Variants in SIPA1L2 observed in about 807,000 individuals in gnomAD.
SIPA1L2 encodes the protein signal-induced proliferation-associated 1-like protein 2.
SIPA1L2 carries 56 observed loss-of-function variants against 163.9 expected under a neutral mutation model. The observed-to-expected ratio is 0.34, with a 90% CI of 0.28 to 0.43. SIPA1L2 has a LOEUF of 0.43. Among genes scored for constraint, SIPA1L2 ranks in the 20% least tolerant of loss-of-function variants. The pLI is 1.00. For synonymous variants in SIPA1L2, 877 were observed against 865.7 expected (o/e 1.01, Z -0.23); for missense variants, 1,974 against 2,193.5 (o/e 0.90, Z 2.00).
chr1:232,449,952 G>A (rs1478531497), intron 10 of SIPA1L2, among the ~76,000 whole-genome samples: 1 of 152,214 alleles, frequency 6.6e-6, no homozygotes, highest in Non-Finnish European at 1.5e-5. Context: ...AGTACTTGGA[G>A]CTTGGGACAG....
rs763524078 is a variant in SIPA1L2 at position 232,461,003 on chromosome 1, C to A, written c.2979G>T (p.Glu993Asp). The A allele has an allele frequency of 6.2e-7, 1 of 1,614,284 alleles. No individual in the cohort carries two copies. The change falls in exon 10 of 23, where the codon GAG becomes GAT. Residue 993 changes from glutamate (E) to aspartate (D), a missense_variant. Coordinates refer to ENST00000674635, the MANE Select transcript of SIPA1L2 (RefSeq NM_020808.5). The stretch of plus-strand genomic sequence containing the variant: ...GAGTGGCCACGGCTACTTTGCAGAT[C>A]TCCACGAGGCGGCTCCCTTGGCGAA... ...AGLRQGSRLV[E>D]ICKVAVATLT...
rs199868955 is a variant in SIPA1L2 at position 232,415,525 on chromosome 1, G to T, written c.4731C>A (p.Thr1577=). 1.2e-6 allele frequency: 2 copies of T among 1,612,978 alleles called. No homozygotes were observed. Among genetic ancestry groups the T allele is most frequent in the South Asian group, 2.2e-5 (2 of 90,816 alleles). The change falls in exon 19 of 23, where the codon ACC becomes ACA. Residue 1577 remains threonine, a synonymous_variant. Transcript: ENST00000674635. The part of the protein sequence containing the change: ...LPDTATGLDW[T]HLVDAARAFE... Reference sequence around the variant, plus strand: ...ATGCCCGTGCAGCATCCACGAGGTGGGTCCAATCTAACCCTGTGGCTGTGT... The same window carrying T: ...ATGCCCGTGCAGCATCCACGAGGTGTGTCCAATCTAACCCTGTGGCTGTGT...
intron 5 of SIPA1L2, among the ~76,000 whole-genome samples, chr1:232,489,999 G>C (rs142888682): frequency 1.3e-4 from 20 of 151,870 alleles, no homozygotes; most frequent in Non-Finnish European, 2.8e-4. Context: ...CTCTATCTTC[G>C]GCGGCCTGTA....
chr1:232,471,705 C>T (rs546491316), intron 7 of SIPA1L2, among the ~76,000 whole-genome samples, 177 bp from the exon 8 acceptor site: 2 of 152,194 alleles, frequency 1.3e-5, no homozygotes, highest in African/African-American at 2.4e-5. Context: ...CCAAAAGACC[C>T]GTGGAAAGAA....
intron 2 of SIPA1L2, among the ~76,000 whole-genome samples, chr1:232,534,523 C>A (rs971113164): frequency 6.6e-6 from 1 of 152,206 alleles, no homozygotes; most frequent in East Asian, 1.9e-4. Flanking sequence ...GCAACAACAA[C>A]AAAAATTAAT....
intron 16 of SIPA1L2, among the ~76,000 whole-genome samples, chr1:232,428,960 C>G (rs1317213475): frequency 6.6e-6 from 1 of 152,144 alleles, no homozygotes; most frequent in Admixed American, 6.5e-5. Context: ...ACAACCAGAG[C>G]CCCGATGGCA....
At chr1:232,433,754 G>A (rs1662388881) in intron 15 of SIPA1L2, among the ~76,000 whole-genome samples, 1 of 152,166 alleles carries the variant, frequency 6.6e-6, no homozygotes, top group Non-Finnish European at 1.5e-5. Flanking sequence ...AAAATTTTAA[G>A]AGTTTAAATT....
intron 2 of SIPA1L2, among the ~76,000 whole-genome samples, chr1:232,542,883 C>T (rs762708474): frequency 7.9e-5 from 12 of 152,156 alleles, no homozygotes; most frequent in Non-Finnish European, 1.5e-4. Context: ...TGCAAATAGC[C>T]TAAGGCTATG....
At chr1:232,471,186 C>T (rs1039219467) in intron 8 of SIPA1L2, among the ~76,000 whole-genome samples, 185 bp downstream of exon 8, 1 of 152,148 alleles carries the variant, frequency 6.6e-6, no homozygotes, top group Non-Finnish European at 1.5e-5. Context: ...TTTTAAAGTG[C>T]TAGGCATTTC....
intron 10 of SIPA1L2, among the ~76,000 whole-genome samples, chr1:232,456,671 T>A (rs1040588259): frequency 6.6e-6 from 1 of 152,192 alleles, no homozygotes; most frequent in Non-Finnish European, 1.5e-5. Context: ...ACTGATAGAA[T>A]GTCAGTCACC....
At chr1:232,621,488 G>C (rs1249944408) in intron 1 of SIPA1L2, among the ~76,000 whole-genome samples, 1 of 152,058 alleles carries the variant, frequency 6.6e-6, no homozygotes, top group Non-Finnish European at 1.5e-5. Flanking sequence ...CAAGAGAAAT[G>C]GGTTTAAAAC....
At chr1:232,523,155 C>T (rs1314647327) in intron 2 of SIPA1L2, among the ~76,000 whole-genome samples, 2 of 152,164 alleles carry the variant, frequency 1.3e-5, no homozygotes, top group Non-Finnish European at 2.9e-5. Context: ...CAATAAGGAA[C>T]AAGAACCAAT....
Position 232,456,665 on chromosome 1 carries a change from A to ACATTTCCT in SIPA1L2, c.3095+4221_3095+4222insAGGAAATG, listed in dbSNP as rs1304465529. On this transcript the variant is annotated intron_variant, in intron 10 of 22. Coordinates refer to ENST00000674635, the MANE Select transcript of SIPA1L2 (RefSeq NM_020808.5). ...ATATGCTTTCCTTCAAATGACACTG[A>ACATTTCCT]TAGAATGTCAGTCACCTTTGAAGGC... 9.8e-5 allele frequency among the ~76,000 whole-genome samples: 15 copies of ACATTTCCT among 152,316 alleles called. No individual in the cohort carries two copies. In the South Asian group the frequency reaches 3.1e-3, roughly 32 times the overall value.
intron 19 of SIPA1L2, 137 bp downstream of exon 19, chr1:232,415,357 A>G: frequency 9.1e-7 from 1 of 1,094,618 alleles, no homozygotes; most frequent in Non-Finnish European, 1.2e-6. Context: ...GCTTGTTTTC[A>G]TCATCCAACA....
rs779040653 is a variant in SIPA1L2 at position 232,465,105 on chromosome 1, A to G, written c.2555T>C (p.Ile852Thr). 1.5e-5 allele frequency: 24 copies of G among 1,614,076 alleles called. No individual in the cohort carries two copies. The highest frequency in any genetic ancestry group is 1.9e-5 in the Non-Finnish European group (23 of 1,180,038). The change falls in exon 9 of 23, where the codon ATT (isoleucine) becomes ACT (threonine). Residue 852 changes from isoleucine to threonine, a missense_variant. Around this residue, in one of 3 missense-constraint regions of SIPA1L2, gnomAD observed 1,079 missense variants for 1,150.7 expected, o/e 0.94. Coordinates refer to ENST00000674635, the MANE Select transcript of SIPA1L2 (RefSeq NM_020808.5). This position sits in a 1 kb window ranked among gnomAD's most constrained non-coding sequence, Gnocchi z 4.1. ...TATCACGTGCCACATGATGGCCCCAATGCTAAACAAGTGGGCATCCTTCCT... is the reference window on the plus strand; with the variant it reads ...TATCACGTGCCACATGATGGCCCCAGTGCTAAACAAGTGGGCATCCTTCCT... ...KPRKDAHLFS[I>T]GAIMWHVIAR...
In SIPA1L2 at chr1:232,590,249, C is replaced by T. The variant is rs551723114; in HGVS notation, c.-318-16027G>A. Reference sequence around the variant, plus strand: ...CCTCCCACGCAGGCTACACAAAACCCCTCAAGAGTTTATCTCAAGATGCCC... The same window carrying T: ...CCTCCCACGCAGGCTACACAAAACCTCTCAAGAGTTTATCTCAAGATGCCC... On this transcript the variant is annotated intron_variant, in intron 1 of 22. Coordinates refer to ENST00000674635, the MANE Select transcript of SIPA1L2 (RefSeq NM_020808.5). Among the ~76,000 whole-genome samples the T allele has an allele frequency of 3.3e-5, 5 of 152,274 alleles. No homozygotes were observed. In the South Asian group the frequency reaches 1.0e-3, roughly 32 times the overall value.
At position 232,482,091 on chromosome 1, in the gene SIPA1L2, T is replaced by C. The variant is rs143109561; in HGVS notation, c.1981+1701A>G. On this transcript the variant is annotated intron_variant, in intron 6 of 22. Coordinates refer to ENST00000674635, the MANE Select transcript of SIPA1L2 (RefSeq NM_020808.5). The stretch of plus-strand genomic sequence containing the variant: ...TCATAAAAATAACTTACAGATTTAT[T>C]ATTAAAGTCAACATATCAAACTCTA... Among the ~76,000 whole-genome samples, 652 of 152,324 alleles carry C rather than the reference T, an allele frequency of 4.3e-3. 7 individuals are homozygous for C. Among genetic ancestry groups the C allele is most frequent in the African/African-American group, 0.015 (632 of 41,580 alleles).
chr1:232,548,703 T>C (rs1159331880), intron 2 of SIPA1L2, among the ~76,000 whole-genome samples: 1 of 152,162 alleles, frequency 6.6e-6, no homozygotes, highest in African/African-American at 2.4e-5. Context: ...CCCACAGTCT[T>C]GGAGGTAGTG....
At position 232,630,009 on chromosome 1, in the gene SIPA1L2, G is replaced by A. The variant is rs1663303302; in HGVS notation, c.-459C>T. 6.7e-6 allele frequency among the ~76,000 whole-genome samples: 1 copy of A among 150,120 alleles called. No individual in the cohort carries two copies. Among genetic ancestry groups the A allele is most frequent in the African/African-American group, 2.4e-5 (1 of 41,146 alleles). ...CCCCGCGCCGGGCTCCGGCGGAGGC[G>A]GCCCGGACCCGCTGGCTGCGGCTGG... is the stretch of plus-strand genomic sequence containing the variant. On this transcript the variant is annotated 5_prime_UTR_variant, in exon 1 of 23. Transcript: ENST00000674635.
Sources: gnomAD v4.1 joint callset for allele counts (sites outside exome capture counted in the v4.1 genomes callset) on GRCh38, gnomAD v4.1.1 for gene constraint, gnomAD v4.1.1 regional missense constraint, Gnocchi (gnomAD v3.1) non-coding constraint, MANE v1.5 for transcripts, NCBI Gene and HGNC (gene_info 2026-07-23, HGNC 2026-07-21) for gene names.